The following FHIT variants were observed in gnomAD, a reference collection of about 807,000 sequenced individuals.
FHIT encodes bis(5'-adenosyl)-triphosphatase.
FHIT carries 19 observed loss-of-function variants against 17.9 expected under a neutral mutation model. The observed-to-expected ratio is 1.06, with a 90% confidence interval of 0.74 to 1.56. The LOEUF (loss-of-function observed/expected upper bound fraction) is 1.56, where lower values mean the gene tolerates loss of function less well. FHIT is among the 40% of genes most tolerant of loss of function. The probability of loss-of-function intolerance (pLI) is 0.00; values close to 1 mark genes in which losing one functional copy is unlikely to be tolerated. For synonymous variants in FHIT, 81 were observed against 69.7 expected (o/e 1.16, Z -0.81); for missense variants, 248 against 189.2 (o/e 1.31, Z -1.82).
intron 5 of FHIT, among the ~76,000 whole-genome samples, chr3:60,151,156 T>C (rs77233951): frequency 0.048 from 7,261 of 152,238 alleles, 262 homozygotes; most frequent in Non-Finnish European, 0.068. Flanking sequence ...ATTACAGCTT[T>C]GAAATTCTGT....
intron 4 of FHIT, among the ~76,000 whole-genome samples, chr3:60,657,923 A>T (rs1436688012): frequency 6.6e-6 from 1 of 151,830 alleles, no homozygotes. Context: ...TTTTTTTCCA[A>T]TTTTTTTGTG....
rs138230443 is a variant in FHIT at position 61,010,253 on chromosome 3, G to T, written c.-111+31794C>A. On this transcript the variant is annotated intron_variant, in intron 3 of 9. Transcript: ENST00000492590. The stretch of plus-strand genomic sequence containing the variant: ...ACTGATTGAATTTATTGGATCTGGG[G>T]TGATCTTATATTTGTATCAAACTGT... Among the ~76,000 whole-genome samples, 12 of 151,648 alleles carry T rather than the reference G, an allele frequency of 7.9e-5. 1 individual carries two copies. Among genetic ancestry groups the T allele is most frequent in the African/African-American group, 2.7e-4 (11 of 41,358 alleles).
At chr3:60,372,664 C>T (rs1012926053) in intron 5 of FHIT, among the ~76,000 whole-genome samples, 1 of 152,194 alleles carries the variant, frequency 6.6e-6, no homozygotes, top group Non-Finnish European at 1.5e-5. Flanking sequence ...TTAGTGACAT[C>T]TACTTCAGTA....
chr3:60,420,411 AT>A (rs1403455841), intron 5 of FHIT, among the ~76,000 whole-genome samples: 2 of 152,116 alleles, frequency 1.3e-5, no homozygotes, highest in Non-Finnish European at 2.9e-5. Context: ...TTGTATATAT[AT>A]TTTTATCTAT....
intron 2 of FHIT, among the ~76,000 whole-genome samples, chr3:61,181,928 C>G (rs1400552558): frequency 1.3e-5 from 2 of 152,140 alleles, no homozygotes. Context: ...TGTTACTATT[C>G]TTTCTGGCTA....
intron 3 of FHIT, among the ~76,000 whole-genome samples, chr3:60,949,721 T>C (rs1708796118): frequency 6.6e-6 from 1 of 152,216 alleles, no homozygotes; most frequent in Admixed American, 6.5e-5. Flanking sequence ...AGTGGGTACC[T>C]AAATATCTGC....
intron 5 of FHIT, among the ~76,000 whole-genome samples, chr3:60,196,778 TCATA>T (rs932256954): frequency 2.1e-4 from 32 of 151,990 alleles, no homozygotes; most frequent in African/African-American, 7.5e-4. Context: ...ATAGATGATA[TCATA>T]CATATATACA....
At chr3:61,011,525 C>T (rs1454723137) in intron 3 of FHIT, among the ~76,000 whole-genome samples, 1 of 152,028 alleles carries the variant, frequency 6.6e-6, no homozygotes, top group Non-Finnish European at 1.5e-5. Context: ...CTGTTACGTA[C>T]CTTCATTCTT....
At chr3:60,544,594 C>CTTT (rs1309567657) in intron 4 of FHIT, among the ~76,000 whole-genome samples, 7 of 77,126 alleles carry the variant, frequency 9.1e-5, no homozygotes, top group African/African-American at 2.8e-4. Context: ...ATTTCTCAAC[C>CTTT]TATTTTTTTT....
At chr3:60,703,558 C>T (rs2041298109) in intron 4 of FHIT, among the ~76,000 whole-genome samples, 1 of 152,066 alleles carries the variant, frequency 6.6e-6, no homozygotes, top group Non-Finnish European at 1.5e-5. Context: ...ATACAAGTTG[C>T]TATTTTTTAA....
intron 5 of FHIT, among the ~76,000 whole-genome samples, chr3:60,126,524 A>T (rs568527152): frequency 1.4e-4 from 21 of 152,202 alleles, no homozygotes; most frequent in Non-Finnish European, 2.4e-4. Flanking sequence ...ATCCCATACA[A>T]GCTCTATAGA....
intron 7 of FHIT, among the ~76,000 whole-genome samples, chr3:59,937,459 A>G (rs958984644): frequency 3.3e-5 from 5 of 152,208 alleles, no homozygotes; most frequent in Admixed American, 6.5e-5. Context: ...CAATTTATTT[A>G]AACATCGTCA....
chr3:61,112,274 T>C (rs2036181746), intron 2 of FHIT, among the ~76,000 whole-genome samples: 1 of 152,112 alleles, frequency 6.6e-6, no homozygotes, highest in Admixed American at 6.5e-5. Context: ...TTTTTTTTTT[T>C]TTTCTAAAAT....
chr3:60,807,723 A>T (rs2106699263), intron 4 of FHIT, among the ~76,000 whole-genome samples: 1 of 152,364 alleles, frequency 6.6e-6, no homozygotes, highest in Middle Eastern at 3.4e-3. Context: ...TGTCCCCAGG[A>T]TTAACTTGGT....
At chr3:60,865,668 G>T (rs782546482) in intron 3 of FHIT, among the ~76,000 whole-genome samples, 13 of 152,034 alleles carry the variant, frequency 8.6e-5, no homozygotes, top group Non-Finnish European at 1.6e-4. Context: ...TCTGTGCTAG[G>T]CATTTCATAT....
intron 5 of FHIT, among the ~76,000 whole-genome samples, chr3:60,039,149 C>G (rs542406361): frequency 2.0e-5 from 3 of 152,260 alleles, no homozygotes; most frequent in Non-Finnish European, 4.4e-5. Flanking sequence ...TCCATGTGCT[C>G]TCTCCCATAC....
intron 5 of FHIT, among the ~76,000 whole-genome samples, chr3:60,438,594 TAAG>T (rs146882193): frequency 0.011 from 1,631 of 152,296 alleles, 19 homozygotes; most frequent in African/African-American, 0.038. Flanking sequence ...TCTTTTAAAC[TAAG>T]AAGAACTGAG....
intron 5 of FHIT, among the ~76,000 whole-genome samples, chr3:60,278,301 A>C (rs1015739829): frequency 6.6e-6 from 1 of 152,218 alleles, no homozygotes; most frequent in African/African-American, 2.4e-5. Context: ...TCTCTGTAAG[A>C]AAGACACGTC....
intron 5 of FHIT, 34 bp from the exon 6 acceptor site, chr3:60,014,186 G>A (rs1297568046): frequency 6.2e-6 from 10 of 1,610,770 alleles, no homozygotes; most frequent in African/African-American, 1.3e-5. Context: ...CATGCTGCTG[G>A]CTTTGGGTAG....
Sources: gnomAD v4.1 joint callset for allele counts (sites outside exome capture counted in the v4.1 genomes callset) on GRCh38, gnomAD v4.1.1 for gene constraint, MANE v1.5 for transcripts, NCBI Gene and HGNC (gene_info 2026-07-23, HGNC 2026-07-21) for gene names.